Variants in RANBP17 observed in about 807,000 individuals in gnomAD.
RANBP17 encodes RAN binding protein 17.
In RANBP17, 158 loss-of-function variants were observed where a neutral mutation model predicts 141.2. The observed-to-expected ratio is 1.12, with a 90% CI of 0.98 to 1.28. The LOEUF is 1.28. Among genes scored for constraint, RANBP17 ranks in the 50% most tolerant of loss-of-function variants. The pLI, the probability that RANBP17 is intolerant of heterozygous loss-of-function variation, is 0.00. For missense variants in RANBP17, 1,438 were observed against 1,290.7 expected, an observed-to-expected ratio of 1.11 and a Z score of -1.75; for synonymous variants, 430 against 450.0, an observed-to-expected ratio of 0.96 and a Z score of 0.56.
chr5:171,099,846 G>A (rs561161094), intron 14 of RANBP17, among the ~76,000 whole-genome samples: 47 of 152,054 alleles, frequency 3.1e-4, no homozygotes, highest in African/African-American at 1.4e-4. Flanking sequence ...CTTTTTCTGC[G>A]TCTATTGAGA....
intron 14 of RANBP17, among the ~76,000 whole-genome samples, chr5:171,006,483 A>G (rs1779616453): frequency 6.6e-6 from 1 of 152,174 alleles, no homozygotes; most frequent in Admixed American, 6.5e-5. Flanking sequence ...ATTCTCAGCA[A>G]ACTATCGCAA....
Position 171,294,054 on chromosome 5 carries a change from G to A in RANBP17, c.3042+73G>A, listed in dbSNP as rs1768671739. The A allele has an allele frequency of 3.5e-6, 4 of 1,129,154 alleles. No homozygotes were observed. The South Asian group carries it at 4.9e-5, about 14-fold the overall frequency. 69.9% of individuals were successfully genotyped at this position (1,129,154 alleles called of 1,614,324 possible). A position where few individuals can be genotyped will look rare whatever the true frequency, so the allele number is the denominator to read the frequency against. Reference sequence around the variant, plus strand: ...GAGCAGCTATAAGCTAGGGTGAGCTGTGATGACGAAGGACAGAGGAGCAGA... The same window carrying A: ...GAGCAGCTATAAGCTAGGGTGAGCTATGATGACGAAGGACAGAGGAGCAGA... On this transcript the variant is annotated intron_variant, in intron 26 of 27. Coordinates refer to ENST00000523189, the MANE Select transcript of RANBP17 (RefSeq NM_022897.5).
intron 14 of RANBP17, among the ~76,000 whole-genome samples, chr5:171,031,745 A>G (rs188943729): frequency 7.7e-4 from 117 of 152,148 alleles, no homozygotes; most frequent in African/African-American, 2.7e-3. Flanking sequence ...TAGTAGCAAC[A>G]TGTAATGGTA....
intron 22 of RANBP17, among the ~76,000 whole-genome samples, chr5:171,235,387 TAGCAAACA>T (rs1339271796): frequency 1.3e-5 from 2 of 148,320 alleles, no homozygotes; most frequent in African/African-American, 5.0e-5. Flanking sequence ...AATGAGCCAA[TAGCAAACA>T]AACAAACAAA....
intron 14 of RANBP17, among the ~76,000 whole-genome samples, chr5:170,972,266 C>T (rs1194300595): frequency 6.6e-6 from 1 of 151,052 alleles, no homozygotes; most frequent in Non-Finnish European, 1.5e-5. Flanking sequence ...ACTGCAACCT[C>T]CGCTTCCCAG....
chr5:171,050,229 A>G (rs1292366300), intron 14 of RANBP17, among the ~76,000 whole-genome samples: 1 of 152,162 alleles, frequency 6.6e-6, no homozygotes, highest in East Asian at 1.9e-4. Context: ...TATTACTATA[A>G]ACTATAAACT....
At chr5:170,897,128 G>A in intron 5 of RANBP17, 2 of 826,620 alleles carry the variant, frequency 2.4e-6, no homozygotes, top group Non-Finnish European at 4.1e-6. Flanking sequence ...AATTCTGCAG[G>A]GACCACTGAG....
intron 14 of RANBP17, among the ~76,000 whole-genome samples, chr5:171,019,974 T>C (rs988888622): frequency 1.3e-5 from 2 of 152,192 alleles, no homozygotes; most frequent in African/African-American, 4.8e-5. Context: ...GTACGTTGTC[T>C]CTTTGTTCTC....
At chr5:170,946,302 T>C (rs1774755270) in intron 12 of RANBP17, among the ~76,000 whole-genome samples, 1 of 152,120 alleles carries the variant, frequency 6.6e-6, no homozygotes. Context: ...CATTTAAGTG[T>C]TTTTCATTTT....
chr5:170,930,602 G>A (rs971434158), intron 12 of RANBP17, among the ~76,000 whole-genome samples: 4 of 151,784 alleles, frequency 2.6e-5, no homozygotes, highest in East Asian at 3.9e-4. Context: ...GATGTTCCCC[G>A]CCCTGTGTCC....
chr5:171,013,345 T>C (rs1279697534), intron 14 of RANBP17, among the ~76,000 whole-genome samples: 1 of 152,168 alleles, frequency 6.6e-6, no homozygotes, highest in African/African-American at 2.4e-5. Flanking sequence ...AGAAACCACA[T>C]AGCCCCTTTA....
At chr5:171,201,247 T>TTTCC (rs1561758321) in intron 19 of RANBP17, among the ~76,000 whole-genome samples, 6 of 152,150 alleles carry the variant, frequency 3.9e-5, no homozygotes. Flanking sequence ...TTGATTACAC[T>TTTCC]TTAACGGTAT....
chr5:171,265,863 T>A lies in RANBP17; in HGVS notation c.2943+16T>A, dbSNP rs1581148798. The A allele has an allele frequency of 5.6e-6, 9 of 1,608,196 alleles. No individual in the cohort carries two copies. The East Asian group carries it at 2.0e-4, about 36-fold the overall frequency. On this transcript the variant is annotated intron_variant, in intron 25 of 27. Coordinates refer to ENST00000523189, the MANE Select transcript of RANBP17 (RefSeq NM_022897.5). Reference sequence around the variant, plus strand: ...CCTGCAGCAGGTAACTGGTGGTTGATCACCTGGCTTAAGAAACAAGTGTTC... The same window carrying A: ...CCTGCAGCAGGTAACTGGTGGTTGAACACCTGGCTTAAGAAACAAGTGTTC...
intron 12 of RANBP17, among the ~76,000 whole-genome samples, chr5:170,947,975 A>G (rs1407170627): frequency 1.3e-5 from 2 of 152,100 alleles, no homozygotes; most frequent in East Asian, 3.9e-4. Flanking sequence ...AATAAACTCC[A>G]CCTCTTGATG....
At chr5:170,961,725 C>T (rs1776161035) in intron 13 of RANBP17, among the ~76,000 whole-genome samples, 1 of 152,148 alleles carries the variant, frequency 6.6e-6, no homozygotes, top group Non-Finnish European at 1.5e-5. Flanking sequence ...TGATCTGAAG[C>T]ATTTCACAAA....
intron 14 of RANBP17, among the ~76,000 whole-genome samples, chr5:170,996,333 A>T (rs1778814145): frequency 2.0e-5 from 3 of 152,166 alleles, no homozygotes; most frequent in Admixed American, 2.0e-4. Context: ...AGGAATGGAA[A>T]ATTTTTTAAT....
intron 14 of RANBP17, among the ~76,000 whole-genome samples, chr5:171,118,131 C>T (rs1400037666): frequency 6.6e-6 from 1 of 152,108 alleles, no homozygotes; most frequent in Non-Finnish European, 1.5e-5. Context: ...TTAGGTCTTA[C>T]ATTTAGGTCT....
chr5:170,959,147 AC>A (rs1182821458), intron 13 of RANBP17, among the ~76,000 whole-genome samples: 1 of 152,072 alleles, frequency 6.6e-6, no homozygotes, highest in Admixed American at 6.6e-5. Flanking sequence ...TAGCTGTGCC[AC>A]CCTGTGTCTC....
chr5:171,003,436 AGTT>A (rs1373080894), intron 14 of RANBP17, among the ~76,000 whole-genome samples: 1 of 152,112 alleles, frequency 6.6e-6, no homozygotes, highest in Non-Finnish European at 1.5e-5. Context: ...GAAGGAAAGG[AGTT>A]GTTGTTTTGT....
Sources: allele counts gnomAD v4.1 joint callset (sites outside exome capture counted in the v4.1 genomes callset), GRCh38; gene constraint gnomAD v4.1.1; transcripts MANE v1.5; gene names NCBI Gene and HGNC (gene_info 2026-07-23, HGNC 2026-07-21).